The following CTNNA3 variants were observed in gnomAD, a reference collection of about 807,000 sequenced individuals.
CTNNA3 encodes the protein catenin alpha-3.
Under a neutral mutation model 95.7 loss-of-function variants are expected in CTNNA3, and 76 were observed. The ratio of observed to expected loss-of-function variants is 0.79; its 90% CI spans 0.66 to 0.96. The LOEUF (loss-of-function observed/expected upper bound fraction) is 0.96, where lower values mean the gene tolerates loss of function less well. CTNNA3 is among the 40% of genes least tolerant of loss of function. CTNNA3 has a pLI of 0.00. For synonymous variants in CTNNA3, 431 were observed against 374.4 expected (o/e 1.15, Z -1.74); for missense variants, 1,191 against 1,089.8 (o/e 1.09, Z -1.31).
intron 12 of CTNNA3, among the ~76,000 whole-genome samples, chr10:66,283,103 T>C (rs576718851): frequency 6.6e-6 from 1 of 151,836 alleles, no homozygotes; most frequent in South Asian, 2.1e-4. Flanking sequence ...AGGGAACATC[T>C]AAGAAAATGT....
intron 15 of CTNNA3, among the ~76,000 whole-genome samples, chr10:66,017,715 G>C (rs2079122173): frequency 6.6e-6 from 1 of 151,998 alleles, no homozygotes; most frequent in Non-Finnish European, 1.5e-5. Flanking sequence ...TGGCCAAACA[G>C]AACTATTGTT....
intron 12 of CTNNA3, among the ~76,000 whole-genome samples, chr10:66,293,525 C>T (rs946973368): frequency 1.3e-5 from 2 of 151,906 alleles, no homozygotes; most frequent in African/African-American, 4.8e-5. Context: ...ATTTAATGGC[C>T]TTTAGAAAAT....
chr10:66,359,984 A>G (rs1253536920), intron 12 of CTNNA3, among the ~76,000 whole-genome samples: 4 of 151,576 alleles, frequency 2.6e-5, no homozygotes, highest in Non-Finnish European at 5.9e-5. Flanking sequence ...ATGCCACCAC[A>G]CCTGGCTAAT....
chr10:67,223,944 T>C (rs573147981), intron 5 of CTNNA3, among the ~76,000 whole-genome samples: 2 of 152,330 alleles, frequency 1.3e-5, no homozygotes, highest in East Asian at 3.9e-4. Context: ...TTTTTCCAGC[T>C]TTATTGAGGT....
rs1839192288 is a variant in CTNNA3 at position 67,632,928 on chromosome 10, C to G, written c.99+14487G>C. On this transcript the variant is annotated intron_variant, in intron 2 of 17. Transcript: ENST00000433211. ...TCCCACAGCACCCCACAAGTTAAGA[C>G]CCACTGATTGGAATTCCAGCCAGCC... is the stretch of plus-strand genomic sequence containing the variant. Among the ~76,000 whole-genome samples, 5 of 152,296 alleles carry G rather than the reference C, an allele frequency of 3.3e-5. No individual in the cohort carries two copies. In the South Asian group the frequency reaches 1.0e-3, roughly 32 times the overall value.
intron 5 of CTNNA3, among the ~76,000 whole-genome samples, chr10:67,462,910 C>CTT (rs776462420): frequency 0.035 from 5,077 of 143,994 alleles, 102 homozygotes; most frequent in African/African-American, 0.055. Flanking sequence ...TTTTCTTTTT[C>CTT]TTTTTTTTTT....
intron 7 of CTNNA3, among the ~76,000 whole-genome samples, chr10:66,845,663 A>G (rs1843218924): frequency 7.5e-6 from 1 of 132,884 alleles, no homozygotes; most frequent in South Asian, 2.7e-4. Context: ...AGATCGCGCC[A>G]TTGCACTCCA....
chr10:66,421,505 A>G (rs1278507519), intron 11 of CTNNA3, among the ~76,000 whole-genome samples: 1 of 152,082 alleles, frequency 6.6e-6, no homozygotes, highest in Non-Finnish European at 1.5e-5. Context: ...GTAACAAAAT[A>G]TCACATGTAC....
chr10:67,740,818 C>T (rs1227797193), intron 1 of CTNNA3, among the ~76,000 whole-genome samples: 1 of 151,264 alleles, frequency 6.6e-6, no homozygotes, highest in African/African-American at 2.4e-5. Flanking sequence ...GGTAAATATC[C>T]AAAGGACTAT....
intron 7 of CTNNA3, among the ~76,000 whole-genome samples, chr10:66,947,135 T>A (rs917726275): frequency 6.6e-6 from 1 of 152,020 alleles, no homozygotes; most frequent in Non-Finnish European, 1.5e-5. Context: ...CTAATGATTG[T>A]ATTAGAAAAA....
chr10:67,639,331 C>T (rs1051430121), intron 2 of CTNNA3, among the ~76,000 whole-genome samples: 3 of 152,006 alleles, frequency 2.0e-5, no homozygotes, highest in African/African-American at 7.3e-5. Flanking sequence ...CTGAATAGAC[C>T]AATAAAAGGC....
chr10:66,438,966 A>G (rs2093357344), intron 11 of CTNNA3, among the ~76,000 whole-genome samples: 1 of 151,960 alleles, frequency 6.6e-6, no homozygotes, highest in East Asian at 1.9e-4. Flanking sequence ...GACCCCTTAC[A>G]CTTCCCGGGT....
At chr10:67,063,098 C>T (rs1468195945) in intron 7 of CTNNA3, among the ~76,000 whole-genome samples, 10 of 152,084 alleles carry the variant, frequency 6.6e-5, no homozygotes, top group Admixed American at 3.3e-4. Flanking sequence ...AAACCCTGAC[C>T]GATGCAGTAT....
chr10:66,272,335 GA>G (rs2091300089), intron 13 of CTNNA3, among the ~76,000 whole-genome samples: 1 of 152,126 alleles, frequency 6.6e-6, no homozygotes, highest in African/African-American at 2.4e-5. Context: ...GCCTAACACT[GA>G]AAAATGAAAA....
chr10:67,107,780 G>T, intron 7 of CTNNA3, among the ~76,000 whole-genome samples: 1 of 152,128 alleles, frequency 6.6e-6, no homozygotes, highest in South Asian at 2.1e-4. Flanking sequence ...AAACAGGTCT[G>T]CACACTGGGA....
intron 5 of CTNNA3, among the ~76,000 whole-genome samples, chr10:67,437,858 T>C (rs192618232): frequency 5.7e-4 from 87 of 152,026 alleles, no homozygotes; most frequent in African/African-American, 2.0e-3. Flanking sequence ...AAATAAAAGA[T>C]TTAAATTTGC....
At chr10:66,105,602 G>A (rs752867839) in intron 13 of CTNNA3, among the ~76,000 whole-genome samples, 3 of 152,204 alleles carry the variant, frequency 2.0e-5, no homozygotes, top group Non-Finnish European at 4.4e-5. Flanking sequence ...GAAGTCACAA[G>A]TGCCATTTTT....
intron 7 of CTNNA3, among the ~76,000 whole-genome samples, chr10:67,131,511 G>A (rs1388606521): frequency 6.6e-6 from 1 of 151,916 alleles, no homozygotes; most frequent in Non-Finnish European, 1.5e-5. Context: ...CATTATGCCG[G>A]GTGTTGGTAG....
intron 15 of CTNNA3, among the ~76,000 whole-genome samples, chr10:66,042,630 C>T (rs958543176): frequency 2.6e-5 from 4 of 151,802 alleles, no homozygotes; most frequent in East Asian, 1.9e-4. Context: ...CCAGGCGCAG[C>T]AGCTCATGCC....
Sources: gnomAD v4.1 joint callset for allele counts (sites outside exome capture counted in the v4.1 genomes callset) on GRCh38, gnomAD v4.1.1 for gene constraint, MANE v1.5 for transcripts, NCBI Gene and HGNC (gene_info 2026-07-23, HGNC 2026-07-21) for gene names.